KATNAL1: variants seen among roughly 807,000 people sequenced by gnomAD.
The protein encoded by KATNAL1 is katanin p60 ATPase-containing subunit A-like 1.
KATNAL1 carries 32 observed loss-of-function variants against 55.2 expected under a neutral mutation model. That is an observed-to-expected ratio of 0.58 (90% CI 0.44 to 0.78). The LOEUF is 0.78. Ranked by LOEUF, KATNAL1 falls within the 30% of genes least tolerant of loss-of-function variation. The probability of loss-of-function intolerance (pLI) is 0.00; values close to 1 mark genes in which losing one functional copy is unlikely to be tolerated. For missense variants in KATNAL1, 466 were observed against 600.9 expected, an observed-to-expected ratio of 0.78 and a Z score of 2.35; for synonymous variants, 193 against 193.6, an observed-to-expected ratio of 1.00 and a Z score of 0.02.
intron 1 of KATNAL1, among the ~76,000 whole-genome samples, chr13:30,298,330 T>C (rs777430523): frequency 1.2e-4 from 18 of 152,368 alleles, no homozygotes; most frequent in Non-Finnish European, 2.5e-4. Context: ...TATGCCCTTA[T>C]ATGTATCAGT....
chr13:30,245,637 C>G (rs1309139095), intron 4 of KATNAL1, among the ~76,000 whole-genome samples: 1 of 152,090 alleles, frequency 6.6e-6, no homozygotes, highest in Admixed American at 6.5e-5. Context: ...GATGACATGA[C>G]TATATATTTA....
chr13:30,264,865 A>G (rs1182102880), intron 3 of KATNAL1, among the ~76,000 whole-genome samples: 3 of 137,154 alleles, frequency 2.2e-5, no homozygotes, highest in Non-Finnish European at 4.7e-5. Flanking sequence ...CAGCCATCCC[A>G]TTACTGGGTA....
intron 4 of KATNAL1, among the ~76,000 whole-genome samples, chr13:30,248,967 G>A (rs537065942): frequency 1.3e-5 from 2 of 152,210 alleles, no homozygotes; most frequent in East Asian, 3.9e-4. Flanking sequence ...GCTGAGGCAG[G>A]AGAATGGCGT....
chr13:30,268,316 A>C (rs991992534), intron 3 of KATNAL1, among the ~76,000 whole-genome samples: 5 of 152,244 alleles, frequency 3.3e-5, no homozygotes, highest in Non-Finnish European at 1.5e-5. Flanking sequence ...AGAAATAACA[A>C]AAAGCAAGAT....
At chr13:30,303,254 A>G (rs563492645) in intron 1 of KATNAL1, among the ~76,000 whole-genome samples, 2 of 152,238 alleles carry the variant, frequency 1.3e-5, no homozygotes, top group Admixed American at 6.5e-5. Flanking sequence ...ACCACCTTGA[A>G]AAACTACTCC....
At chr13:30,248,145 C>A (rs1191315957) in intron 4 of KATNAL1, among the ~76,000 whole-genome samples, 2 of 152,018 alleles carry the variant, frequency 1.3e-5, no homozygotes, top group Non-Finnish European at 2.9e-5. Flanking sequence ...ACTGTTCAGT[C>A]TAAGAAAAGT....
chr13:30,210,242 A>T, intron 10 of KATNAL1, 74 bp downstream of exon 10: 1 of 1,309,596 alleles, frequency 7.6e-7, no homozygotes, highest in Non-Finnish European at 1.0e-6. Flanking sequence ...TGGGCTAACT[A>T]CATTGACTTT....
intron 3 of KATNAL1, among the ~76,000 whole-genome samples, chr13:30,268,134 GAAAGTGGGCCTA>G (rs369392300): frequency 1.2e-4 from 18 of 152,284 alleles, no homozygotes; most frequent in African/African-American, 4.3e-4. Context: ...CTTAAGCAGA[GAAAGTGGGCCTA>G]AAAGTGGGCC....
chr13:30,242,591 G>A (rs558336195), intron 4 of KATNAL1, among the ~76,000 whole-genome samples: 6 of 152,260 alleles, frequency 3.9e-5, no homozygotes, highest in African/African-American at 1.4e-4. Context: ...AAAATGTATT[G>A]CGCAGAAGAA....
intron 9 of KATNAL1, among the ~76,000 whole-genome samples, chr13:30,213,932 G>A (rs889828149): frequency 7.9e-5 from 12 of 152,050 alleles, no homozygotes; most frequent in African/African-American, 2.9e-4. Flanking sequence ...AGGGCAATTA[G>A]GCAGGAGAAG....
In KATNAL1 at chr13:30,280,177, A is replaced by T; in HGVS notation, c.209T>A (p.Val70Asp). 6.2e-7 allele frequency: 1 copy of T among 1,612,664 alleles called. No individual in the cohort carries two copies. The highest frequency in any genetic ancestry group is 1.1e-5 in the South Asian group (1 of 90,814). ...LEEYEQVKSI[V>D]STLESFKIDK... The stretch of plus-strand genomic sequence containing the variant: ...AATTTTAAAACTTTCTAAAGTGCTG[A>T]CAATACTTTTAACTTGTTCATATTC... Residue 70 changes from valine (V) to aspartate (D), a missense_variant, in exon 3 of 11, where the codon GTC becomes GAC. This residue lies in a region of KATNAL1 where 248 missense variants were observed against 275.5 expected (regional missense o/e 0.90). Coordinates refer to ENST00000380615, the MANE Select transcript of KATNAL1 (RefSeq NM_032116.5).
At chr13:30,214,787 G>T (rs1188479161) in intron 9 of KATNAL1, among the ~76,000 whole-genome samples, 4 of 151,334 alleles carry the variant, frequency 2.6e-5, no homozygotes, top group African/African-American at 9.7e-5. Flanking sequence ...ATGGATTAAA[G>T]ACTTAAACGT....
At chr13:30,264,668 A>G (rs1459338831) in intron 3 of KATNAL1, among the ~76,000 whole-genome samples, 6 of 135,924 alleles carry the variant, frequency 4.4e-5, no homozygotes, top group Non-Finnish European at 1.6e-5. Context: ...CAAAACCACA[A>G]TGAGATACCA....
chr13:30,265,126 A>G (rs2137488521), intron 3 of KATNAL1, among the ~76,000 whole-genome samples: 1 of 150,860 alleles, frequency 6.6e-6, no homozygotes, highest in African/African-American at 2.4e-5. Context: ...CGCAAGAACA[A>G]AAAACCAAAC....
At chr13:30,211,956 A>G (rs1873731360) in intron 9 of KATNAL1, among the ~76,000 whole-genome samples, 1 of 152,226 alleles carries the variant, frequency 6.6e-6, no homozygotes, top group African/African-American at 2.4e-5. Flanking sequence ...GAGGTGGTTC[A>G]GGCCGTGAGG....
rs541918519 is a variant in KATNAL1 at position 30,283,712 on chromosome 13, G to A, written c.66C>T (p.Tyr22=). Residue 22 remains tyrosine (Y), a synonymous_variant, in exon 2 of 11, where the codon TAC becomes TAT. Transcript: ENST00000380615. ...KGREYALLGN[Y]DSSMVYYQGV... ...CCTGGTAATATACCATTGATGAGTC[G>A]TAATTTCCAAGAAGGGCATATTCTC... 6.2e-5 allele frequency: 100 copies of A among 1,613,490 alleles called. No homozygotes were observed. Among genetic ancestry groups the A allele is most frequent in the Admixed American group, 1.0e-4 (6 of 59,984 alleles).
At chr13:30,295,369 T>C (rs1001573297) in intron 1 of KATNAL1, among the ~76,000 whole-genome samples, 3 of 152,278 alleles carry the variant, frequency 2.0e-5, no homozygotes, top group East Asian at 3.9e-4. Flanking sequence ...GTTTCAAGAC[T>C]TTATTGGAGG....
At chr13:30,271,877 G>GGAAAAAAAAAAAAAAAAAAAAAAAA (rs1880393068) in intron 3 of KATNAL1, among the ~76,000 whole-genome samples, 1 of 36,390 alleles carries the variant, frequency 2.7e-5, no homozygotes, top group Non-Finnish European at 6.0e-5. Context: ...AAAGAAAAGA[G>GGAAAAAAAAAAAAAAAAAAAAAAAA]GAAAAAAAAA....
chr13:30,266,465 A>T (rs1879791565), intron 3 of KATNAL1, among the ~76,000 whole-genome samples: 3 of 152,226 alleles, frequency 2.0e-5, no homozygotes, highest in Admixed American at 2.0e-4. Flanking sequence ...TTTTATAAAC[A>T]TAATAAATTA....
Sources: allele counts gnomAD v4.1 joint callset (sites outside exome capture counted in the v4.1 genomes callset), GRCh38; gene constraint gnomAD v4.1.1; regional missense constraint gnomAD v4.1.1; transcripts MANE v1.5; gene names NCBI Gene and HGNC (gene_info 2026-07-23, HGNC 2026-07-21).